Variants in NRG1 observed in about 807,000 individuals in gnomAD.
The protein encoded by NRG1 is neuregulin 1, also known as pro-neuregulin-1, membrane-bound isoform.
In NRG1, 18 loss-of-function variants were observed where a neutral mutation model predicts 63.8. The observed-to-expected ratio is 0.28, with a 90% CI of 0.19 to 0.42. The LOEUF (loss-of-function observed/expected upper bound fraction) is 0.42. Ranked by LOEUF, NRG1 falls within the 10% of genes least tolerant of loss-of-function variation. The pLI, the probability that NRG1 is intolerant of heterozygous loss-of-function variation, is 1.00. For synonymous variants in NRG1, 302 were observed against 301.3 expected (o/e 1.00, Z -0.02); for missense variants, 762 against 814.7 (o/e 0.94, Z 0.79).
At chr8:32,189,737 C>T (rs1842305911) in intron 1 of NRG1, among the ~76,000 whole-genome samples, 4 of 152,206 alleles carry the variant, frequency 2.6e-5, no homozygotes, top group Admixed American at 2.6e-4. Flanking sequence ...TTACTGCTAA[C>T]TGGCCCCCCT....
intron 1 of NRG1, among the ~76,000 whole-genome samples, chr8:32,588,605 T>C (rs1399166187): frequency 1.3e-5 from 2 of 152,212 alleles, no homozygotes; most frequent in African/African-American, 4.8e-5. Flanking sequence ...CTATGCATGT[T>C]ATGTGCTTGC....
At chr8:32,367,301 A>G (rs374362781) in intron 1 of NRG1, among the ~76,000 whole-genome samples, 16 of 152,118 alleles carry the variant, frequency 1.1e-4, no homozygotes, top group Non-Finnish European at 1.3e-4. Flanking sequence ...CCTCACTGAC[A>G]TTTATTACTT....
intron 1 of NRG1, among the ~76,000 whole-genome samples, chr8:32,251,985 C>T (rs138562023): frequency 2.6e-5 from 4 of 152,280 alleles, no homozygotes; most frequent in South Asian, 2.1e-4. Context: ...TTGTTAGCCA[C>T]ATAAATGTCT....
chr8:32,362,453 T>G (rs1202484924), intron 1 of NRG1, among the ~76,000 whole-genome samples: 1 of 152,256 alleles, frequency 6.6e-6, no homozygotes, highest in Non-Finnish European at 1.5e-5. Flanking sequence ...TACTTTATTT[T>G]TCTAAGGCTT....
chr8:32,192,928 C>A (rs973791091), intron 1 of NRG1, among the ~76,000 whole-genome samples: 3 of 151,864 alleles, frequency 2.0e-5, no homozygotes, highest in African/African-American at 4.8e-5. Context: ...TTTCTGACTT[C>A]CAACATAGTA....
chr8:32,409,771 T>G (rs1457345178), intron 1 of NRG1, among the ~76,000 whole-genome samples: 1 of 152,244 alleles, frequency 6.6e-6, no homozygotes. Flanking sequence ...CTCTGTTTTC[T>G]TCTTGTGCAA....
In NRG1 at chr8:32,265,862, A is replaced by T. The variant is rs539002258; in HGVS notation, c.38-329966A>T. Among the ~76,000 whole-genome samples, 11 of 152,276 alleles carry T rather than the reference A, an allele frequency of 7.2e-5. No homozygotes were observed. The South Asian group carries it at 2.3e-3, about 32-fold the overall frequency. The stretch of plus-strand genomic sequence containing the variant: ...TGTCTTTAAAAAAATAATAAAAATA[A>T]AAATCAATACAATATAACAACTATT... On this transcript the variant is annotated intron_variant, in intron 1 of 10. Coordinates refer to the NRG1 transcript ENST00000519301.
At chr8:32,470,827 G>T in intron 1 of NRG1, among the ~76,000 whole-genome samples, 1 of 151,632 alleles carries the variant, frequency 6.6e-6, no homozygotes, top group East Asian at 1.9e-4. Context: ...TTCAGTCAGG[G>T]TTTTGCTCTG....
intron 6 of NRG1, among the ~76,000 whole-genome samples, chr8:32,741,539 C>T (rs948451410): frequency 2.6e-5 from 4 of 152,018 alleles, no homozygotes; most frequent in Non-Finnish European, 5.9e-5. Context: ...AATGACTTAA[C>T]TTGTAACATA....
chr8:32,385,590 T>C (rs186461036), intron 1 of NRG1, among the ~76,000 whole-genome samples: 2 of 152,144 alleles, frequency 1.3e-5, no homozygotes, highest in African/African-American at 4.8e-5. Context: ...TCTTACATGG[T>C]AGGAACAGAA....
At chr8:32,171,198 T>A (rs1839992341) in intron 1 of NRG1, among the ~76,000 whole-genome samples, 1 of 152,236 alleles carries the variant, frequency 6.6e-6, no homozygotes, top group Non-Finnish European at 1.5e-5. Flanking sequence ...TATAACACTA[T>A]TTTTTAAATG....
chr8:31,879,063 T>C (rs1830147920), intron 1 of NRG1, among the ~76,000 whole-genome samples: 1 of 152,050 alleles, frequency 6.6e-6, no homozygotes, highest in South Asian at 2.1e-4. Flanking sequence ...CTGTATTCCA[T>C]TGGTGACAAG....
intron 1 of NRG1, among the ~76,000 whole-genome samples, chr8:31,751,759 G>A (rs1198529025): frequency 6.6e-6 from 1 of 151,910 alleles, no homozygotes; most frequent in East Asian, 1.9e-4. Context: ...GGGACGATGG[G>A]CAGAATTAAT....
At chr8:32,471,302 C>T (rs746639112) in intron 1 of NRG1, among the ~76,000 whole-genome samples, 5 of 152,180 alleles carry the variant, frequency 3.3e-5, no homozygotes, top group Admixed American at 6.5e-5. Flanking sequence ...ACTAACCTTA[C>T]CTACTGCTCC....
chr8:32,749,641 A>G, intron 7 of NRG1: 1 of 1,563,494 alleles, frequency 6.4e-7, no homozygotes, highest in Non-Finnish European at 8.8e-7. Flanking sequence ...ATGAGCTGAA[A>G]TCTTTTTCCC....
chr8:31,962,799 AT>A (rs36091913), intron 1 of NRG1, among the ~76,000 whole-genome samples: 3 of 152,102 alleles, frequency 2.0e-5, no homozygotes, highest in African/African-American at 7.2e-5. Context: ...GAAAGGAGCC[AT>A]TTTTTTAGAT....
chr8:31,745,605 T>C (rs1815770429), intron 1 of NRG1, among the ~76,000 whole-genome samples: 2 of 151,828 alleles, frequency 1.3e-5, no homozygotes. Flanking sequence ...GTCTTGACCA[T>C]GAGAAAAATC....
chr8:32,502,161 G>A (rs1827935353), intron 1 of NRG1, among the ~76,000 whole-genome samples: 1 of 152,000 alleles, frequency 6.6e-6, no homozygotes, highest in South Asian at 2.1e-4. Flanking sequence ...TTCTTGGGAG[G>A]CATCGGGAAG....
intron 11 of NRG1, among the ~76,000 whole-genome samples, chr8:32,762,133 T>C (rs1218219006): frequency 6.6e-6 from 1 of 152,054 alleles, no homozygotes; most frequent in Non-Finnish European, 1.5e-5. Context: ...TAGAACGTTA[T>C]GGAATTTATG....
Sources: allele counts gnomAD v4.1 joint callset (sites outside exome capture counted in the v4.1 genomes callset), GRCh38; gene constraint gnomAD v4.1.1; transcripts MANE v1.5; gene names NCBI Gene and HGNC (gene_info 2026-07-23, HGNC 2026-07-21).